SEC13: variants seen among roughly 807,000 people sequenced by gnomAD.
SEC13 encodes the protein SEC13 homolog, nuclear pore and COPII component.
SEC13 carries 25 observed loss-of-function variants against 49.2 expected under a neutral mutation model. The observed-to-expected ratio is 0.51, with a 90% confidence interval of 0.37 to 0.71. The LOEUF is 0.71. Among genes scored for constraint, SEC13 ranks in the 30% least tolerant of loss-of-function variants. SEC13 has a pLI of 0.00. For missense variants in SEC13, 383 were observed against 417.6 expected, an observed-to-expected ratio of 0.92 and a Z score of 0.72; for synonymous variants, 148 against 163.9, an observed-to-expected ratio of 0.90 and a Z score of 0.74.
chr3:10,319,238 C>A, intron 1 of SEC13: 1 of 1,613,348 alleles, frequency 6.2e-7, no homozygotes, highest in Non-Finnish European at 8.5e-7. Context: ...GGCTGCAAAG[C>A]AGTTCAAGAG....
Position 10,305,030 on chromosome 3 carries a change from G to A in SEC13, c.708+3C>T. ...CAAGGGATACTCATGGCCCTGGGCT[G>A]ACCTGGGAGCAGCTGGCGATGGTGC... On this transcript the variant is annotated splice_donor_region_variant and intron_variant, in intron 7 of 8. Transcript: ENST00000350697. 1 of 1,614,104 alleles carries A rather than the reference G, an allele frequency of 6.2e-7. No individual in the cohort carries two copies. Among genetic ancestry groups the A allele is most frequent in the Non-Finnish European group, 8.5e-7 (1 of 1,180,038 alleles).
chr3:10,318,989 T>C, intron 1 of SEC13: 1 of 725,190 alleles, frequency 1.4e-6, no homozygotes, highest in Non-Finnish European at 2.3e-6. Context: ...GCTTTGCAAA[T>C]AGAAGGAACT....
chr3:10,316,858 G>A (rs1701637356), intron 2 of SEC13, among the ~76,000 whole-genome samples: 2 of 151,938 alleles, frequency 1.3e-5, no homozygotes, highest in African/African-American at 4.8e-5. Context: ...AAAATTAGCT[G>A]GGAGTGGTGG....
chr3:10,310,855 C>T (rs993641055), intron 5 of SEC13, among the ~76,000 whole-genome samples: 3 of 152,082 alleles, frequency 2.0e-5, no homozygotes, highest in South Asian at 2.1e-4. Flanking sequence ...TCTATATTCA[C>T]AATGGAGTAT....
At chr3:10,306,888 C>G (rs1035284371) in intron 5 of SEC13, among the ~76,000 whole-genome samples, 6 of 152,200 alleles carry the variant, frequency 3.9e-5, no homozygotes, top group African/African-American at 1.4e-4. Context: ...TCTCCATCCT[C>G]TTTCCTTTGT....
At chr3:10,305,900 T>C in intron 5 of SEC13, 2 of 446,334 alleles carry the variant, frequency 4.5e-6, no homozygotes, top group Middle Eastern at 5.5e-4. Context: ...GCGCTAAAAG[T>C]AGAAATTAAG....
chr3:10,320,657 G>A (rs2059760030), intron 1 of SEC13: 1 of 1,040,048 alleles, frequency 9.6e-7, no homozygotes, highest in Non-Finnish European at 1.2e-6. Flanking sequence ...AACCTCAAGT[G>A]TCCTCATCTG....
At chr3:10,303,904 G>T in intron 8 of SEC13, 122 bp downstream of exon 8, 2 of 1,013,760 alleles carry the variant, frequency 2.0e-6, no homozygotes, top group Non-Finnish European at 3.0e-6. Context: ...CACTCAAAAC[G>T]CAGTCCTGGC....
intron 2 of SEC13, among the ~76,000 whole-genome samples, chr3:10,317,291 A>G (rs80296389): frequency 6.6e-6 from 1 of 152,266 alleles, no homozygotes; most frequent in African/African-American, 2.4e-5. Context: ...GAGAACATAT[A>G]CAACTCTGGG....
At chr3:10,317,471 G>T (rs920109190) in intron 2 of SEC13, among the ~76,000 whole-genome samples, 1 of 152,022 alleles carries the variant, frequency 6.6e-6, no homozygotes, top group East Asian at 1.9e-4. Context: ...TTAACCTCTG[G>T]ACCTTCTCCT....
chr3:10,313,346 A>C, intron 3 of SEC13: 1 of 489,628 alleles, frequency 2.0e-6, no homozygotes, highest in South Asian at 1.5e-5. Flanking sequence ...CAAGAGGTAG[A>C]GTAGCATGGT....
At chr3:10,305,718 T>A in intron 5 of SEC13, 26 bp from the exon 6 acceptor site, 1 of 1,613,476 alleles carries the variant, frequency 6.2e-7, no homozygotes, top group East Asian at 2.2e-5. Context: ...ACATGGTGAC[T>A]CTGCCTTGCA....
chr3:10,319,566 C>T (rs1481924803), intron 1 of SEC13, among the ~76,000 whole-genome samples: 1 of 152,090 alleles, frequency 6.6e-6, no homozygotes, highest in Non-Finnish European at 1.5e-5. Context: ...CAAAACTTCA[C>T]TCCACCAGGC....
Position 10,312,617 on chromosome 3 carries a change from C to T in SEC13, c.278G>A (p.Trp93Ter), listed in dbSNP as rs759396642. Reference protein sequence around the residue: ...VIIWREENGTWEKSHEHAGHD... With the variant: ...VIIWREENGT Reference sequence around the variant, plus strand: ...TCCCGCATGCTCGTGGCTCTTCTCCCAGGTGCCGTTTTCCTCTCTCCAGAT... The same window carrying T: ...TCCCGCATGCTCGTGGCTCTTCTCCTAGGTGCCGTTTTCCTCTCTCCAGAT... Residue 93 changes from tryptophan (W) to a stop codon, truncating the protein, a stop_gained, in exon 4 of 9, where the codon TGG (tryptophan) becomes TAG (stop). Coordinates refer to ENST00000350697, the MANE Select transcript of SEC13 (RefSeq NM_183352.3). LOFTEE classifies it high-confidence loss of function. The T allele has an allele frequency of 6.2e-7, 1 of 1,614,188 alleles. No individual in the cohort carries two copies. Among genetic ancestry groups the T allele is most frequent in the Non-Finnish European group, 8.5e-7 (1 of 1,180,036 alleles).
intron 8 of SEC13, among the ~76,000 whole-genome samples, chr3:10,302,197 C>A (rs1700574808): frequency 6.6e-6 from 1 of 152,206 alleles, no homozygotes; most frequent in South Asian, 2.1e-4. Flanking sequence ...GAGACTGCGC[C>A]ACTGCACTCC....
intron 7 of SEC13, 42 bp from the exon 8 acceptor site, chr3:10,304,214 T>G (rs1407958355): frequency 3.7e-6 from 6 of 1,606,854 alleles, no homozygotes; most frequent in Non-Finnish European, 5.1e-6. Flanking sequence ...GAGTCAAGAC[T>G]CCTGCGTTTG....
intron 8 of SEC13, 59 bp downstream of exon 8, chr3:10,303,967 G>C (rs541388342): frequency 9.2e-5 from 146 of 1,595,406 alleles, no homozygotes; most frequent in Admixed American, 3.0e-4. Flanking sequence ...GCCCTCTCTA[G>C]TGGGCGGGGT....
chr3:10,306,403 G>A (rs188077578), intron 5 of SEC13, among the ~76,000 whole-genome samples: 10 of 152,174 alleles, frequency 6.6e-5, no homozygotes, highest in African/African-American at 2.4e-4. Flanking sequence ...TAGAGCTGGT[G>A]CGTTCTCTCA....
intron 2 of SEC13, among the ~76,000 whole-genome samples, chr3:10,315,976 C>A (rs1431471761): frequency 6.6e-6 from 1 of 152,206 alleles, no homozygotes; most frequent in Non-Finnish European, 1.5e-5. Context: ...CCAGCCCTGG[C>A]CCTGGATCCT....
Sources: gnomAD v4.1 joint callset for allele counts (sites outside exome capture counted in the v4.1 genomes callset) on GRCh38, gnomAD v4.1.1 for gene constraint, MANE v1.5 for transcripts, NCBI Gene and HGNC (gene_info 2026-07-23, HGNC 2026-07-21) for gene names.